VTI1A: variants seen among roughly 807,000 people sequenced by gnomAD.
The protein encoded by VTI1A is vesicle transport through interaction with t-SNAREs homolog 1A.
Under a neutral mutation model 34.9 loss-of-function variants are expected in VTI1A, and 22 were observed. The ratio of observed to expected loss-of-function variants is 0.63; its 90% CI spans 0.45 to 0.90. The LOEUF (loss-of-function observed/expected upper bound fraction) is 0.90, where lower values mean the gene tolerates loss of function less well. Among genes scored for constraint, VTI1A ranks in the 40% least tolerant of loss-of-function variants. The pLI is 0.00. For synonymous variants in VTI1A, 87 were observed against 97.3 expected, an observed-to-expected ratio of 0.89 and a Z score of 0.62; for missense variants, 268 against 275.6, an observed-to-expected ratio of 0.97 and a Z score of 0.20.
chr10:112,509,702 T>G (rs1052858021), intron 3 of VTI1A, among the ~76,000 whole-genome samples: 4 of 152,182 alleles, frequency 2.6e-5, no homozygotes, highest in African/African-American at 7.2e-5. Context: ...TGGAGAGTTG[T>G]AGAGTTGTTA....
intron 7 of VTI1A, among the ~76,000 whole-genome samples, chr10:112,792,840 C>T (rs936736416): frequency 6.6e-6 from 1 of 152,216 alleles, no homozygotes; most frequent in African/African-American, 2.4e-5. Flanking sequence ...GCTCAACACC[C>T]TGAAATATTT....
At chr10:112,643,854 T>C (rs893693955) in intron 5 of VTI1A, among the ~76,000 whole-genome samples, 1 of 152,204 alleles carries the variant, frequency 6.6e-6, no homozygotes, top group Non-Finnish European at 1.5e-5. Flanking sequence ...GAAAGGCATA[T>C]ATGTAATTTT....
At chr10:112,521,334 T>A (rs1435584746) in intron 3 of VTI1A, among the ~76,000 whole-genome samples, 1 of 151,990 alleles carries the variant, frequency 6.6e-6, no homozygotes, top group Non-Finnish European at 1.5e-5. Context: ...ATCTAAATAA[T>A]ACAGATTTTT....
At chr10:112,786,371 G>A (rs971871988) in intron 7 of VTI1A, among the ~76,000 whole-genome samples, 6 of 152,130 alleles carry the variant, frequency 3.9e-5, no homozygotes, top group South Asian at 2.1e-4. Context: ...ACAGAATCAC[G>A]TCAGTTGTGA....
chr10:112,612,225 T>A (rs921771169), intron 5 of VTI1A, among the ~76,000 whole-genome samples: 1 of 152,172 alleles, frequency 6.6e-6, no homozygotes, highest in East Asian at 1.9e-4. Context: ...TCTGGTCAGA[T>A]AGTGATTTGT....
intron 7 of VTI1A, among the ~76,000 whole-genome samples, chr10:112,722,794 C>T (rs1330528726): frequency 3.3e-5 from 5 of 151,912 alleles, no homozygotes; most frequent in African/African-American, 7.3e-5. Flanking sequence ...AACAGCTGTC[C>T]GGGTGATGCT....
At chr10:112,706,638 C>T (rs1000736994) in intron 7 of VTI1A, among the ~76,000 whole-genome samples, 10 of 152,214 alleles carry the variant, frequency 6.6e-5, no homozygotes, top group African/African-American at 2.4e-4. Flanking sequence ...TTTTCTCTTA[C>T]GGTCTCTAGA....
intron 5 of VTI1A, among the ~76,000 whole-genome samples, chr10:112,566,188 C>G (rs1449325801): frequency 6.6e-6 from 1 of 151,902 alleles, no homozygotes; most frequent in Non-Finnish European, 1.5e-5. Context: ...TTCAATGAAT[C>G]TAAGTAAGAA....
At chr10:112,771,337 G>T (rs2134022161) in intron 7 of VTI1A, among the ~76,000 whole-genome samples, 1 of 152,358 alleles carries the variant, frequency 6.6e-6, no homozygotes, top group Non-Finnish European at 1.5e-5. Context: ...CTCATCACTA[G>T]TGTTCCTTCT....
Position 112,460,554 on chromosome 10 carries a change from A to T in VTI1A, c.125A>T (p.Glu42Val). 1 of 1,609,816 alleles carries T rather than the reference A, an allele frequency of 6.2e-7. No individual in the cohort carries two copies. The highest frequency in any genetic ancestry group is 8.5e-7 in the Non-Finnish European group (1 of 1,178,186). Residue 42 changes from glutamate to valine, a missense_variant, in exon 2 of 8, where the codon GAG becomes GTG. Coordinates refer to ENST00000393077, the MANE Select transcript of VTI1A (RefSeq NM_145206.4). ...DEKKQMVANV[E>V]KQLEEAKELL... ...AAGAAACAGATGGTTGCAAATGTGG[A>T]GAAACAGCTTGAAGAAGCGAAAGAA... is the stretch of plus-strand genomic sequence containing the variant.
chr10:112,618,518 T>TAGAGAGAGAGAGAGAG (rs1229141246), intron 5 of VTI1A, among the ~76,000 whole-genome samples: 125 of 47,436 alleles, frequency 2.6e-3, no homozygotes, highest in African/African-American at 6.3e-3. Flanking sequence ...TATATATATA[T>TAGAGAGAGAGAGAGAG]ATATATAGAG....
chr10:112,703,491 G>A (rs111923458), intron 7 of VTI1A, among the ~76,000 whole-genome samples: 25 of 152,098 alleles, frequency 1.6e-4, no homozygotes, highest in African/African-American at 5.5e-4. Context: ...CGCTTGAACC[G>A]GGAGATGAAG....
intron 5 of VTI1A, among the ~76,000 whole-genome samples, chr10:112,561,577 G>A (rs1045120201): frequency 2.0e-5 from 3 of 152,104 alleles, no homozygotes; most frequent in African/African-American, 7.2e-5. Flanking sequence ...GAAGCTGTAA[G>A]CATCATCAGT....
intron 7 of VTI1A, among the ~76,000 whole-genome samples, chr10:112,787,908 G>A (rs1295593669): frequency 6.6e-6 from 1 of 151,184 alleles, no homozygotes; most frequent in Admixed American, 6.6e-5. Flanking sequence ...CACCATATTG[G>A]CCAGGCTGGC....
intron 7 of VTI1A, among the ~76,000 whole-genome samples, chr10:112,748,271 T>G (rs189286082): frequency 1.3e-5 from 2 of 152,252 alleles, no homozygotes; most frequent in East Asian, 1.9e-4. Context: ...TGGGGTTGCA[T>G]TTGGAAATTG....
intron 7 of VTI1A, among the ~76,000 whole-genome samples, chr10:112,760,094 C>T (rs1047550473): frequency 6.6e-6 from 1 of 152,098 alleles, no homozygotes; most frequent in South Asian, 2.1e-4. Context: ...TATGGGAGTC[C>T]ACACGAAGAA....
At chr10:112,736,610 C>A (rs1590132998) in intron 7 of VTI1A, 1 of 1,485,554 alleles carries the variant, frequency 6.7e-7, no homozygotes, top group South Asian at 1.3e-5. Context: ...TGATAAGAAA[C>A]CAAAGCCTGC....
At chr10:112,561,075 AT>A (rs1389706565) in intron 5 of VTI1A, among the ~76,000 whole-genome samples, 2 of 152,166 alleles carry the variant, frequency 1.3e-5, no homozygotes, top group African/African-American at 2.4e-5. Flanking sequence ...CTCAAAAAAA[AT>A]ATTTTTTTAA....
intron 7 of VTI1A, among the ~76,000 whole-genome samples, chr10:112,707,920 A>G (rs1321230015): frequency 6.6e-6 from 1 of 152,234 alleles, no homozygotes; most frequent in African/African-American, 2.4e-5. Flanking sequence ...CCTCAGCTGT[A>G]AAACATCAAA....
Sources: gnomAD v4.1 joint callset for allele counts (sites outside exome capture counted in the v4.1 genomes callset) on GRCh38, gnomAD v4.1.1 for gene constraint, MANE v1.5 for transcripts, NCBI Gene and HGNC (gene_info 2026-07-23, HGNC 2026-07-21) for gene names.